The following KIAA1217 variants were observed in gnomAD, a reference collection of about 807,000 sequenced individuals.
KIAA1217 encodes sickle tail protein homolog.
In KIAA1217, 88 loss-of-function variants were observed where a neutral mutation model predicts 163.9. The observed-to-expected ratio is 0.54, with a 90% CI of 0.45 to 0.64. The LOEUF is 0.64. Among genes scored for constraint, KIAA1217 ranks in the 30% least tolerant of loss-of-function variants. The pLI is 0.00. For missense variants in KIAA1217, 2,372 were observed against 2,475.0 expected (o/e 0.96, Z 0.88); for synonymous variants, 903 against 923.1 (o/e 0.98, Z 0.39).
At chr10:24,318,549 T>A (rs546380019) in intron 2 of KIAA1217, among the ~76,000 whole-genome samples, 2 of 152,264 alleles carry the variant, frequency 1.3e-5, no homozygotes, top group Admixed American at 6.5e-5. Flanking sequence ...CTTAAAATCA[T>A]CACTCTCTCT....
At chr10:24,536,242 CTT>C (rs1348673762) in intron 16 of KIAA1217, among the ~76,000 whole-genome samples, 2 of 152,298 alleles carry the variant, frequency 1.3e-5, no homozygotes, top group Admixed American at 6.5e-5. Context: ...AAAAGCATCA[CTT>C]TACTCTAAAT....
chr10:24,164,416 C>T (rs1400390930), intron 2 of KIAA1217, among the ~76,000 whole-genome samples: 1 of 152,228 alleles, frequency 6.6e-6, no homozygotes, highest in Non-Finnish European at 1.5e-5. Context: ...AAATCATCTA[C>T]TGGTGTACCT....
At chr10:23,974,886 C>T (rs960749693) in intron 1 of KIAA1217, among the ~76,000 whole-genome samples, 2 of 151,590 alleles carry the variant, frequency 1.3e-5, no homozygotes, top group African/African-American at 4.9e-5. Context: ...TTATCCTTCC[C>T]CCCCCCATAG....
chr10:23,984,622 A>T lies in KIAA1217; in HGVS notation c.-320-22603A>T, dbSNP rs970254004. ...GTTCATGTCCTTTGCAGGGACATGG[A>T]TGAAGCTGGAAACCGTCATTCTCAG... On this transcript the variant is annotated intron_variant, in intron 1 of 18. Transcript: ENST00000376462. 2.4e-4 allele frequency among the ~76,000 whole-genome samples: 37 copies of T among 152,188 alleles called. 1 individual carries two copies. Among genetic ancestry groups the T allele is most frequent in the African/African-American group, 7.5e-4 (31 of 41,454 alleles).
chr10:24,327,519 C>T (rs144557949), intron 2 of KIAA1217, among the ~76,000 whole-genome samples: 8 of 152,210 alleles, frequency 5.3e-5, no homozygotes, highest in Admixed American at 5.2e-4. Flanking sequence ...GAGACAGGGT[C>T]TTGTTCTGTT....
rs112604008 is a variant in KIAA1217 at position 23,969,674 on chromosome 10, G to A, written c.-320-37551G>A. Among the ~76,000 whole-genome samples the A allele has an allele frequency of 8.1e-3, 1,235 of 152,102 alleles. 19 individuals are homozygous for A. The highest frequency in any genetic ancestry group is 0.028 in the African/African-American group (1,158 of 41,494). On this transcript the variant is annotated intron_variant, in intron 1 of 18. Coordinates refer to the KIAA1217 transcript ENST00000376462. ...TGTAAGAGTTCTTTATATATTCTGG[G>A]TAAAAGTCCCTTTATCAAATATATG...
chr10:24,213,542 A>G (rs114913535), intron 1 of KIAA1217, among the ~76,000 whole-genome samples: 1,610 of 142,988 alleles, frequency 0.011, 29 homozygotes, highest in African/African-American at 0.04. Flanking sequence ...GTTACATGAC[A>G]TTTAGAGTCT....
intron 2 of KIAA1217, among the ~76,000 whole-genome samples, chr10:24,317,840 G>T (rs1459036118): frequency 6.6e-6 from 1 of 152,150 alleles, no homozygotes; most frequent in Non-Finnish European, 1.5e-5. Flanking sequence ...CAATTTAGTG[G>T]CCAATTGAAA....
At chr10:24,469,208 C>T (rs897478853) in intron 5 of KIAA1217, among the ~76,000 whole-genome samples, 2 of 152,096 alleles carry the variant, frequency 1.3e-5, no homozygotes, top group Non-Finnish European at 2.9e-5. Context: ...TCACTGCAAC[C>T]TCCGCCTCCC....
Position 23,895,880 on chromosome 10 carries a change from A to G in KIAA1217, c.-320-111345A>G, listed in dbSNP as rs968788844. On this transcript the variant is annotated intron_variant, in intron 1 of 18. Transcript: ENST00000376462. ...AATTGGAAATCATCATTCTCAGTAA[A>G]CTATCGCAAGAACAAAAAACCAAAC... Among the ~76,000 whole-genome samples the G allele has an allele frequency of 7.9e-4, 120 of 151,422 alleles. 1 individual carries two copies. The highest frequency in any genetic ancestry group is 3.4e-3 in the Middle Eastern group (1 of 294).
At chr10:23,873,430 C>T (rs1310550776) in intron 1 of KIAA1217, among the ~76,000 whole-genome samples, 4 of 151,902 alleles carry the variant, frequency 2.6e-5, no homozygotes, top group Non-Finnish European at 5.9e-5. Context: ...ATGAAAATGC[C>T]AGATGAAGCA....
chr10:23,993,553 C>CTTTTTTTATTTTTTT (rs1846319429), intron 1 of KIAA1217, among the ~76,000 whole-genome samples: 1 of 68,956 alleles, frequency 1.5e-5, no homozygotes, highest in Non-Finnish European at 2.4e-5. Context: ...CATAGCCCAG[C>CTTTTTTTATTTTTTT]TTTTTTTTTT....
intron 2 of KIAA1217, among the ~76,000 whole-genome samples, chr10:24,302,024 G>A (rs529674295): frequency 1.9e-4 from 29 of 152,256 alleles, no homozygotes; most frequent in African/African-American, 6.5e-4. Context: ...CAGCCTGGGC[G>A]ACAGATTAAG....
chr10:24,144,498 T>C (rs949494350), intron 2 of KIAA1217, among the ~76,000 whole-genome samples: 2 of 152,236 alleles, frequency 1.3e-5, no homozygotes. Context: ...GTAACTATTA[T>C]TGACTTAATT....
At chr10:24,278,933 T>G (rs2132152764) in intron 2 of KIAA1217, among the ~76,000 whole-genome samples, 1 of 150,856 alleles carries the variant, frequency 6.6e-6, no homozygotes, top group African/African-American at 2.4e-5. Flanking sequence ...CTCAGCTCAC[T>G]GCAACCTCTG....
At chr10:23,814,126 C>A (rs1554800973) in intron 1 of KIAA1217, among the ~76,000 whole-genome samples, 1 of 152,128 alleles carries the variant, frequency 6.6e-6, no homozygotes, top group Non-Finnish European at 1.5e-5. Context: ...AAAAAATTAT[C>A]TCTGAGAGAG....
In KIAA1217 at chr10:23,790,844, C is replaced by T. The variant is rs1028159830; in HGVS notation, c.-321+95610C>T. Among the ~76,000 whole-genome samples the T allele has an allele frequency of 3.4e-4, 51 of 151,948 alleles. 1 individual carries two copies. The Middle Eastern group carries it at 0.024, about 72-fold the overall frequency. On this transcript the variant is annotated intron_variant, in intron 1 of 18. Coordinates refer to the KIAA1217 transcript ENST00000376462. ...GACCTCCTGGGCTCAAGCCATTGTCCTGCCTCAGCACCCCCCAATAGCTGG... is the reference window on the plus strand; with the variant it reads ...GACCTCCTGGGCTCAAGCCATTGTCTTGCCTCAGCACCCCCCAATAGCTGG...
At chr10:24,436,534 G>T (rs540913230) in intron 4 of KIAA1217, among the ~76,000 whole-genome samples, 1 of 151,444 alleles carries the variant, frequency 6.6e-6, no homozygotes, top group Non-Finnish European at 1.5e-5. Flanking sequence ...CAAGGTGGGC[G>T]GATCACGAGG....
At chr10:23,794,542 T>A (rs930566778) in intron 1 of KIAA1217, among the ~76,000 whole-genome samples, 2 of 152,234 alleles carry the variant, frequency 1.3e-5, no homozygotes, top group African/African-American at 4.8e-5. Context: ...ATTGCAGTTA[T>A]CTCTTTTAGC....
Sources: gnomAD v4.1 joint callset for allele counts (sites outside exome capture counted in the v4.1 genomes callset) on GRCh38, gnomAD v4.1.1 for gene constraint, MANE v1.5 for transcripts, NCBI Gene and HGNC (gene_info 2026-07-23, HGNC 2026-07-21) for gene names.